HSPD1: variants seen among roughly 807,000 people sequenced by gnomAD.
HSPD1 encodes the protein 60 kDa heat shock protein, mitochondrial.
In HSPD1, 3 loss-of-function variants were observed where a neutral mutation model predicts 53.0. That is an observed-to-expected ratio of 0.06 (90% confidence interval 0.03 to 0.15). The LOEUF (loss-of-function observed/expected upper bound fraction) is 0.15, where lower values mean the gene tolerates loss of function less well. Among genes scored for constraint, HSPD1 ranks in the 10% least tolerant of loss-of-function variants. The probability of loss-of-function intolerance (pLI) is 1.00; values close to 1 mark genes in which losing one functional copy is unlikely to be tolerated. For missense variants in HSPD1, 431 were observed against 694.1 expected (o/e 0.62, Z 4.26); for synonymous variants, 200 against 228.0 (o/e 0.88, Z 1.10).
At chr2:197,495,492 T>A in intron 3 of HSPD1, 116 bp from the exon 4 acceptor site, 5 of 737,766 alleles carry the variant, frequency 6.8e-6, no homozygotes, top group Non-Finnish European at 9.3e-6. Context: ...AAAAAAAATT[T>A]TTTTTTTTTT....
At chr2:197,488,882 C>T in intron 9 of HSPD1, 120 bp downstream of exon 9, 6 of 1,146,724 alleles carry the variant, frequency 5.2e-6, no homozygotes, top group African/African-American at 1.5e-5. Flanking sequence ...CAAAATTCCA[C>T]TATGAAGTTA....
In HSPD1 at chr2:197,487,011, A is replaced by C. The variant is rs770559250; in HGVS notation, c.*35T>G. The C allele has an allele frequency of 2.9e-6, 3 of 1,047,692 alleles. No individual in the cohort carries two copies. Among genetic ancestry groups the C allele is most frequent in the African/African-American group, 1.6e-5 (1 of 63,718 alleles). The allele number at this position is 1,047,692 out of a possible 1,614,324, so 64.9% of individuals were successfully genotyped here. On this transcript the variant is annotated 3_prime_UTR_variant, in exon 12 of 12. Transcript: ENST00000388968. ...AACACTGCCTTGGGCTTCCTGTCAC[A>C]GTTCATTAATAAAGGTAAAGCACTA...
rs1475418343 is a variant in HSPD1 at position 197,497,200 on chromosome 2, T to C, written c.367A>G (p.Ile123Val). The change falls in exon 3 of 12, where the codon ATA becomes GTA. Residue 123 changes from isoleucine (I) to valine (V), a missense_variant. Coordinates refer to ENST00000388968, the MANE Select transcript of HSPD1 (RefSeq NM_002156.5). ...ATCTTCTCGAAGCCTTCCTTGGCTA[T>C]AGAGCGTGCCAGTACAGTAGCAGTG... Reference protein sequence around the residue: ...TTTATVLARSIAKEGFEKISK... With the variant: ...TTTATVLARSVAKEGFEKISK... 8 of 1,614,012 alleles carry C rather than the reference T, an allele frequency of 5.0e-6. No individual in the cohort carries two copies. The highest frequency in any genetic ancestry group is 6.8e-6 in the Non-Finnish European group (8 of 1,179,824).
At position 197,490,242 on chromosome 2, in the gene HSPD1, A is replaced by G. The variant is rs777977412; in HGVS notation, c.924T>C (p.Asn308=). ...VAVKAPGFGD[N]RKNQLKDMAI... ...CCATATCTTTAAGCTGGTTCTTTCT[A>G]TTGTCACCAAACCCTGGAGCCTTGA... is the stretch of plus-strand genomic sequence containing the variant. Residue 308 remains asparagine (N), a synonymous_variant, in exon 8 of 12, where the codon AAT becomes AAC. Transcript: ENST00000388968. 3.7e-6 allele frequency: 6 copies of G among 1,614,030 alleles called. No individual in the cohort carries two copies. Among genetic ancestry groups the G allele is most frequent in the Non-Finnish European group, 5.1e-6 (6 of 1,179,950 alleles).
At chr2:197,494,961 TA>T (rs2086139966) in intron 4 of HSPD1, 1 of 608,254 alleles carries the variant, frequency 1.6e-6, no homozygotes, top group South Asian at 2.0e-5. Context: ...ATATGATACA[TA>T]AAACTATTCT....
At chr2:197,498,608 T>C in intron 2 of HSPD1, 67 bp downstream of exon 2, 1 of 1,343,756 alleles carries the variant, frequency 7.4e-7, no homozygotes, top group Non-Finnish European at 1.1e-6. Context: ...AATAGTTCAG[T>C]GCGACTATTT....
intron 11 of HSPD1, among the ~76,000 whole-genome samples, chr2:197,487,415 T>C (rs2086039685): frequency 6.6e-6 from 1 of 152,132 alleles, no homozygotes; most frequent in Admixed American, 6.5e-5. Context: ...GGCATGGTGG[T>C]GCATGCCTGT....
Position 197,494,487 on chromosome 2 carries a change from G to C in HSPD1, c.606+170C>G, listed in dbSNP as rs566649567. The C allele has an allele frequency of 2.4e-4, 151 of 635,952 alleles. 2 individuals carry two copies. In the South Asian group the frequency reaches 2.9e-3, roughly 12 times the overall value. 39.4% of individuals were successfully genotyped at this position (635,952 alleles called of 1,614,324 possible). ...CAAAGGCTAATTCACATAAAACACAGTAAGTACTTTATTCTATACATGTGC... is the reference window on the plus strand; with the variant it reads ...CAAAGGCTAATTCACATAAAACACACTAAGTACTTTATTCTATACATGTGC... On this transcript the variant is annotated intron_variant, in intron 5 of 11. Transcript: ENST00000388968.
intron 11 of HSPD1, 40 bp downstream of exon 11, chr2:197,487,818 G>A (rs533474693): frequency 6.4e-7 from 1 of 1,556,260 alleles, no homozygotes; most frequent in African/African-American, 1.4e-5. Flanking sequence ...TTAACAAAAT[G>A]AACAACAAAA....
chr2:197,494,427 A>C lies in HSPD1; in HGVS notation c.607-177T>G. On this transcript the variant is annotated intron_variant, in intron 5 of 11. Coordinates refer to ENST00000388968, the MANE Select transcript of HSPD1 (RefSeq NM_002156.5). ...AAATCCCAAAAGTGCTTATTTGAATAATCATTTAAGTTAGGATGGATTCAT... is the reference window on the plus strand; with the variant it reads ...AAATCCCAAAAGTGCTTATTTGAATCATCATTTAAGTTAGGATGGATTCAT... The C allele has an allele frequency of 6.3e-6, 4 of 635,734 alleles. No homozygotes were observed. The South Asian group carries it at 7.7e-5, about 12-fold the overall frequency. The allele number at this position is 635,734 out of a possible 1,614,324, so 39.4% of individuals were successfully genotyped here. A position where few individuals can be genotyped will look rare whatever the true frequency, so the allele number is the denominator to read the frequency against.
At chr2:197,498,644 C>T (rs200985010) in intron 2 of HSPD1, 31 bp downstream of exon 2, 9 of 1,585,046 alleles carry the variant, frequency 5.7e-6, no homozygotes, top group African/African-American at 1.3e-5. Context: ...TTAATAATAC[C>T]GTAATTACAA....
intron 11 of HSPD1, 141 bp downstream of exon 11, chr2:197,487,717 T>C (rs935953741): frequency 4.3e-6 from 3 of 700,760 alleles, no homozygotes; most frequent in African/African-American, 3.6e-5. Flanking sequence ...TACATGAGAA[T>C]TGTTGATGGG....
At position 197,486,732 on chromosome 2, in the gene HSPD1, A is replaced by G. The variant is rs1172094147; in HGVS notation, c.*314T>C. 5.5e-6 allele frequency: 2 copies of G among 366,912 alleles called. No homozygotes were observed. Among genetic ancestry groups the G allele is most frequent in the Non-Finnish European group, 1.0e-5 (2 of 192,182 alleles). The allele number at this position is 366,912 out of a possible 1,614,324, so 22.7% of individuals were successfully genotyped here. On this transcript the variant is annotated 3_prime_UTR_variant, in exon 12 of 12. Coordinates refer to ENST00000388968, the MANE Select transcript of HSPD1 (RefSeq NM_002156.5). ...GCACTAAAATCCTGATTTTAACAGA[A>G]TAGTAGTAAAAATGCCTCAGTGATT...
At chr2:197,497,736 T>C (rs1017366245) in intron 2 of HSPD1, among the ~76,000 whole-genome samples, 4 of 152,254 alleles carry the variant, frequency 2.6e-5, no homozygotes, top group African/African-American at 9.6e-5. Flanking sequence ...CCTGTTATCT[T>C]TTAAAGTAAT....
Position 197,487,348 on chromosome 2 carries a change from A to C in HSPD1, c.1570-150T>G, listed in dbSNP as rs1574595635. On this transcript the variant is annotated intron_variant, in intron 11 of 11. Coordinates refer to ENST00000388968, the MANE Select transcript of HSPD1 (RefSeq NM_002156.5). The stretch of plus-strand genomic sequence containing the variant: ...GATGACTTGAGGTTAGGAGTTCAAG[A>C]CCAGCCTGGCCAACATGATGAGACC... The C allele has an allele frequency of 4.2e-6, 3 of 707,928 alleles. No individual in the cohort carries two copies. The East Asian group carries it at 8.4e-5, about 20-fold the overall frequency. The allele number at this position is 707,928 out of a possible 1,614,324, so 43.9% of individuals were successfully genotyped here.
At chr2:197,497,089 C>A (rs2086167799) in intron 3 of HSPD1, 51 bp downstream of exon 3, 1 of 1,585,996 alleles carries the variant, frequency 6.3e-7, no homozygotes, top group African/African-American at 1.3e-5. Context: ...GAATCAATGC[C>A]TTAAAGCACA....
At chr2:197,499,255 T>TCAGGA (rs1416038076) in intron 1 of HSPD1, 2 of 305,276 alleles carry the variant, frequency 6.6e-6, no homozygotes, top group African/African-American at 4.4e-5. Flanking sequence ...AAAGTATTCC[T>TCAGGA]GACGGTGCAA....
chr2:197,491,728 T>C (rs1256655782), intron 7 of HSPD1, among the ~76,000 whole-genome samples: 1 of 152,250 alleles, frequency 6.6e-6, no homozygotes, highest in Admixed American at 6.5e-5. Context: ...TTTAAACTAA[T>C]AGTAAACTAT....
At chr2:197,496,529 T>C (rs1286842179) in intron 3 of HSPD1, among the ~76,000 whole-genome samples, 1 of 152,214 alleles carries the variant, frequency 6.6e-6, no homozygotes, top group African/African-American at 2.4e-5. Flanking sequence ...ATTCTGCTGA[T>C]AGGAAAACCA....
Sources: allele counts gnomAD v4.1 joint callset (sites outside exome capture counted in the v4.1 genomes callset), GRCh38; gene constraint gnomAD v4.1.1; transcripts MANE v1.5; gene names NCBI Gene and HGNC (gene_info 2026-07-23, HGNC 2026-07-21).